ROBO1: variants seen among roughly 807,000 people sequenced by gnomAD.
ROBO1 encodes roundabout guidance receptor 1, also known as roundabout homolog 1.
Under a neutral mutation model 195.9 loss-of-function variants are expected in ROBO1, and 149 were observed. The ratio of observed to expected loss-of-function variants is 0.76; its 90% CI spans 0.67 to 0.87. The LOEUF is 0.87. Ranked by LOEUF, ROBO1 falls within the 40% of genes least tolerant of loss-of-function variation. The pLI, the probability that ROBO1 is intolerant of heterozygous loss-of-function variation, is 0.00. For missense variants in ROBO1, 1,933 were observed against 2,068.3 expected (o/e 0.93, Z 1.27); for synonymous variants, 816 against 733.2 (o/e 1.11, Z -1.82).
chr3:78,772,207 T>C (rs1439038954), intron 4 of ROBO1, among the ~76,000 whole-genome samples: 1 of 83,540 alleles, frequency 1.2e-5, no homozygotes, highest in Non-Finnish European at 2.8e-5. Flanking sequence ...GAGATTACAA[T>C]AGTCATTACC....
At chr3:79,230,356 C>G (rs373159624) in intron 2 of ROBO1, among the ~76,000 whole-genome samples, 20 of 152,062 alleles carry the variant, frequency 1.3e-4, no homozygotes, top group East Asian at 5.8e-4. Context: ...ACCACAATTT[C>G]TGGTCTCACC....
intron 2 of ROBO1, among the ~76,000 whole-genome samples, chr3:79,210,207 G>A (rs1390441405): frequency 6.6e-6 from 1 of 152,046 alleles, no homozygotes; most frequent in African/African-American, 2.4e-5. Flanking sequence ...AGCCCACATA[G>A]CCAAAGCAAT....
chr3:79,654,200 C>A (rs1946094339), intron 1 of ROBO1, among the ~76,000 whole-genome samples: 1 of 151,950 alleles, frequency 6.6e-6, no homozygotes, highest in South Asian at 2.1e-4. Flanking sequence ...AAGGACAATT[C>A]ATATGTAATT....
Position 79,311,788 on chromosome 3 carries a change from T to C in ROBO1, c.89-186249A>G, listed in dbSNP as rs149002204. Among the ~76,000 whole-genome samples, 45 of 152,296 alleles carry C rather than the reference T, an allele frequency of 3.0e-4. No homozygotes were observed. In the East Asian group the frequency reaches 7.1e-3, roughly 24 times the overall value. On this transcript the variant is annotated intron_variant, in intron 2 of 30. Transcript: ENST00000464233. ...AGCATAGTAAATCTACAAGGTATGG[T>C]CCTACCCGATATTTAAATATTGCTA...
At chr3:79,652,321 C>A (rs943886957) in intron 1 of ROBO1, among the ~76,000 whole-genome samples, 1 of 145,658 alleles carries the variant, frequency 6.9e-6, no homozygotes, top group Non-Finnish European at 1.5e-5. Context: ...TCTTTCCATT[C>A]TCAGACCTCT....
At chr3:79,140,633 T>C (rs1246082248) in intron 2 of ROBO1, among the ~76,000 whole-genome samples, 1 of 152,204 alleles carries the variant, frequency 6.6e-6, no homozygotes, top group East Asian at 1.9e-4. Context: ...GGATCATCTA[T>C]ATTTTTTAAC....
intron 1 of ROBO1, among the ~76,000 whole-genome samples, 182 bp from the exon 2 acceptor site, chr3:79,590,143 C>T (rs1000669389): frequency 6.6e-5 from 10 of 151,578 alleles, no homozygotes; most frequent in African/African-American, 2.4e-4. Context: ...ACATTTCAAA[C>T]AAATGTGGTA....
At chr3:78,740,471 TTTCTTTC>T (rs1478024741) in intron 5 of ROBO1, among the ~76,000 whole-genome samples, 3 of 150,910 alleles carry the variant, frequency 2.0e-5, no homozygotes, top group African/African-American at 7.3e-5. Flanking sequence ...TCTTTCTTTC[TTTCTTTC>T]TTTTTTTTTT....
chr3:79,526,664 T>A (rs1216636797), intron 2 of ROBO1: 2 of 152,210 alleles, frequency 1.3e-5, no homozygotes, highest in Admixed American at 1.3e-4. Flanking sequence ...TTTGTGAAGT[T>A]CACATCACTA....
Position 78,740,633 on chromosome 3 carries a change from G to A in ROBO1, c.657+6110C>T, listed in dbSNP as rs144522273. Among the ~76,000 whole-genome samples the A allele has an allele frequency of 3.0e-3, 451 of 151,930 alleles. 2 individuals carry two copies. The highest frequency in any genetic ancestry group is 0.01 in the African/African-American group (426 of 41,474). On this transcript the variant is annotated intron_variant, in intron 5 of 30. Coordinates refer to ENST00000464233, the MANE Select transcript of ROBO1 (RefSeq NM_002941.4). ...ATTACAGGCATGCACCATGACGCCT[G>A]GCTAGTTTTTTTGTATTTTGAGTAG...
chr3:78,911,349 T>C (rs1240831273), intron 4 of ROBO1, among the ~76,000 whole-genome samples: 3 of 152,046 alleles, frequency 2.0e-5, no homozygotes, highest in Non-Finnish European at 4.4e-5. Flanking sequence ...GTATGGAGAA[T>C]TCAGGCCATG....
At chr3:79,230,861 C>CA (rs1349237387) in intron 2 of ROBO1, among the ~76,000 whole-genome samples, 1 of 152,022 alleles carries the variant, frequency 6.6e-6, no homozygotes, top group Non-Finnish European at 1.5e-5. Context: ...GGTATTGATG[C>CA]AAAAACAGAC....
intron 2 of ROBO1, among the ~76,000 whole-genome samples, chr3:79,214,931 A>T (rs1341142428): frequency 6.6e-6 from 1 of 151,718 alleles, no homozygotes; most frequent in Non-Finnish European, 1.5e-5. Flanking sequence ...ATGCTGTACA[A>T]GTTTTTTGTT....
At chr3:79,305,285 A>C (rs2033163584) in intron 2 of ROBO1, among the ~76,000 whole-genome samples, 1 of 152,098 alleles carries the variant, frequency 6.6e-6, no homozygotes, top group Admixed American at 6.5e-5. Flanking sequence ...TCAGGAGTTC[A>C]AGAACAGACT....
At chr3:79,327,705 C>G (rs1257603665) in intron 2 of ROBO1, among the ~76,000 whole-genome samples, 1 of 151,800 alleles carries the variant, frequency 6.6e-6, no homozygotes. Context: ...ATACATTTCA[C>G]AGTAAAATGG....
chr3:78,838,704 C>T (rs369757726), intron 4 of ROBO1, among the ~76,000 whole-genome samples: 5 of 151,382 alleles, frequency 3.3e-5, no homozygotes, highest in East Asian at 1.9e-4. Context: ...GAAGCACCCC[C>T]GCCCTACCTC....
intron 5 of ROBO1, among the ~76,000 whole-genome samples, chr3:78,726,520 C>G (rs574991815): frequency 6.0e-4 from 92 of 152,266 alleles, no homozygotes; most frequent in African/African-American, 2.1e-3. Context: ...CGTTTTCATA[C>G]TATTTTGCAA....
At chr3:79,036,914 G>T (rs2078390214) in intron 3 of ROBO1, among the ~76,000 whole-genome samples, 4 of 152,116 alleles carry the variant, frequency 2.6e-5, no homozygotes, top group Non-Finnish European at 5.9e-5. Context: ...CACATAAAGA[G>T]AAATGTTGCA....
At chr3:78,942,591 T>C (rs1320643407) in intron 3 of ROBO1, among the ~76,000 whole-genome samples, 2 of 152,152 alleles carry the variant, frequency 1.3e-5, no homozygotes, top group African/African-American at 2.4e-5. Flanking sequence ...CTATTCAGTA[T>C]GAGACATGAA....
Sources: gnomAD v4.1 joint callset for allele counts (sites outside exome capture counted in the v4.1 genomes callset) on GRCh38, gnomAD v4.1.1 for gene constraint, MANE v1.5 for transcripts, NCBI Gene and HGNC (gene_info 2026-07-23, HGNC 2026-07-21) for gene names.